The following NLRP13 variants were observed in gnomAD, a reference collection of about 807,000 sequenced individuals.
NLRP13 encodes the protein NLR family pyrin domain containing 13.
In NLRP13, 82 loss-of-function variants were observed where a neutral mutation model predicts 94.4. The ratio of observed to expected loss-of-function variants is 0.87; its 90% CI spans 0.73 to 1.04. The LOEUF (loss-of-function observed/expected upper bound fraction) is 1.04. Among genes scored for constraint, NLRP13 ranks in the 50% least tolerant of loss-of-function variants. The pLI is 0.00. For synonymous variants in NLRP13, 553 were observed against 464.7 expected, an observed-to-expected ratio of 1.19 and a Z score of -2.45; for missense variants, 1,426 against 1,230.8, an observed-to-expected ratio of 1.16 and a Z score of -2.37.
At chr19:55,921,318 C>A (rs758557831) in intron 4 of NLRP13, among the ~76,000 whole-genome samples, 1 of 151,848 alleles carries the variant, frequency 6.6e-6, no homozygotes, top group African/African-American at 2.4e-5. Context: ...TTTATTGATA[C>A]TTGGAAGGAA....
intron 9 of NLRP13, 119 bp from the exon 10 acceptor site, chr19:55,899,056 C>A (rs1304423879): frequency 3.6e-6 from 4 of 1,102,166 alleles, no homozygotes; most frequent in South Asian, 1.7e-5. Flanking sequence ...GACTTTTGTC[C>A]CAAGCCTCGA....
rs189286286 is a variant in NLRP13 at position 55,921,169 on chromosome 19, G to A, written c.523+2745C>T. Among the ~76,000 whole-genome samples the A allele has an allele frequency of 9.8e-5, 15 of 152,298 alleles. No homozygotes were observed. In the East Asian group the frequency reaches 2.9e-3, roughly 29 times the overall value. ...GAGAAATTCCTTTAATAGGTACAAT[G>A]TAGACTATTCAGGTGATGGCTCCAC... is the stretch of plus-strand genomic sequence containing the variant. On this transcript the variant is annotated intron_variant, in intron 4 of 10. Coordinates refer to ENST00000342929, the MANE Select transcript of NLRP13 (RefSeq NM_176810.2).
intron 4 of NLRP13, among the ~76,000 whole-genome samples, chr19:55,921,033 A>T (rs303992): frequency 0.56 from 85,393 of 151,990 alleles, 24,273 homozygotes; most frequent in Non-Finnish European, 0.6. Context: ...AAATACCGCA[A>T]GTTCTTACTT....
rs1052792271 is a variant in NLRP13 at position 55,923,906 on chromosome 19, A to G, written c.523+8T>C. 7.5e-6 allele frequency: 12 copies of G among 1,609,980 alleles called. No homozygotes were observed. The highest frequency in any genetic ancestry group is 3.3e-5 in the Admixed American group (2 of 59,980). ...CTGTCCATTATCAACATAAAGTAGT[A>G]TACACACCTGCTTCCTCTAGCATCT... On this transcript the variant is annotated splice_region_variant and intron_variant, in intron 4 of 10. Transcript: ENST00000342929.
intron 8 of NLRP13, among the ~76,000 whole-genome samples, chr19:55,903,634 C>T (rs1251718310): frequency 6.6e-6 from 1 of 152,158 alleles, no homozygotes; most frequent in Non-Finnish European, 1.5e-5. Flanking sequence ...CTTACCCAGA[C>T]CCTGCTCTGC....
intron 8 of NLRP13, among the ~76,000 whole-genome samples, chr19:55,903,533 A>G (rs975854254): frequency 6.6e-6 from 1 of 152,042 alleles, no homozygotes; most frequent in Non-Finnish European, 1.5e-5. Context: ...CCACAAGGCA[A>G]TCTTCTAGAT....
chr19:55,905,145 G>A (rs372057490), intron 7 of NLRP13, 33 bp from the exon 8 acceptor site: 237 of 1,610,350 alleles, frequency 1.5e-4, no homozygotes, highest in Admixed American at 6.3e-4. Flanking sequence ...GTGAGCCTCA[G>A]CCATGATGCC....
At chr19:55,928,712 T>C (rs554178919) in intron 1 of NLRP13, among the ~76,000 whole-genome samples, 2 of 152,366 alleles carry the variant, frequency 1.3e-5, no homozygotes, top group African/African-American at 4.8e-5. Context: ...TCTAAATCTC[T>C]ATTTTCAATC....
rs137923694 is a variant in NLRP13, at chr19:55,913,029, G to A, written c.788C>T (p.Ser263Phe). 1,351 of 1,614,110 alleles carry A rather than the reference G, an allele frequency of 8.4e-4. 2 individuals are homozygous for A. The highest frequency in any genetic ancestry group is 9.4e-4 in the Non-Finnish European group (1,105 of 1,179,992). ...ATGGCAGCTGAGATAGAAAACATAG[G>A]AGAACCTTTGCTGAAAGAGAACTCC... The part of the protein sequence containing the change: ...ANGVLFQQRF[S>F]YVFYLSCHKI... Residue 263 changes from serine to phenylalanine, a missense_variant, in exon 5 of 11, where the codon TCC becomes TTC. Coordinates refer to ENST00000342929, the MANE Select transcript of NLRP13 (RefSeq NM_176810.2).
chr19:55,896,261 A>G (rs1360111272), intron 10 of NLRP13, 142 bp from the exon 11 acceptor site: 4 of 878,182 alleles, frequency 4.6e-6, no homozygotes, highest in Non-Finnish European at 6.9e-6. Flanking sequence ...ACAGTGGCTC[A>G]CGCCTGTAAT....
chr19:55,900,779 A>T (rs948180052), intron 9 of NLRP13, among the ~76,000 whole-genome samples: 1 of 151,828 alleles, frequency 6.6e-6, no homozygotes, highest in Non-Finnish European at 1.5e-5. Flanking sequence ...CCATCTTAAA[A>T]AAAAAAAAAA....
At chr19:55,919,985 T>C (rs1199233936) in intron 4 of NLRP13, among the ~76,000 whole-genome samples, 2 of 151,948 alleles carry the variant, frequency 1.3e-5, no homozygotes, top group Non-Finnish European at 2.9e-5. Flanking sequence ...AAAATAAACA[T>C]AGATCAATGT....
intron 9 of NLRP13, among the ~76,000 whole-genome samples, chr19:55,899,646 G>A (rs902682908): frequency 6.6e-6 from 1 of 152,158 alleles, no homozygotes; most frequent in African/African-American, 2.4e-5. Flanking sequence ...CAGGCGTGGT[G>A]GCGGGTGCCT....
chr19:55,928,192 G>A (rs1469485979), intron 1 of NLRP13, among the ~76,000 whole-genome samples: 1 of 152,132 alleles, frequency 6.6e-6, no homozygotes, highest in Non-Finnish European at 1.5e-5. Flanking sequence ...CCAGGGAAAC[G>A]GGGCTCCTGT....
At chr19:55,906,902 A>G (rs1019222691) in intron 7 of NLRP13, among the ~76,000 whole-genome samples, 1 of 152,120 alleles carries the variant, frequency 6.6e-6, no homozygotes, top group Non-Finnish European at 1.5e-5. Context: ...AGAAGTGCTC[A>G]TTCTTAGGTC....
At chr19:55,923,698 G>A (rs924547750) in intron 4 of NLRP13, among the ~76,000 whole-genome samples, 1 of 152,170 alleles carries the variant, frequency 6.6e-6, no homozygotes, top group Non-Finnish European at 1.5e-5. Context: ...CTGTGTCTGA[G>A]TGCATTTTTT....
chr19:55,923,718 T>A (rs1406758256), intron 4 of NLRP13, among the ~76,000 whole-genome samples, 196 bp downstream of exon 4: 1 of 152,208 alleles, frequency 6.6e-6, no homozygotes, highest in Non-Finnish European at 1.5e-5. Flanking sequence ...TCATTCGTTG[T>A]TCGGCCAGGG....
At chr19:55,918,477 G>T (rs80036681) in intron 4 of NLRP13, among the ~76,000 whole-genome samples, 4,102 of 151,852 alleles carry the variant, frequency 0.027, 196 homozygotes, top group African/African-American at 0.091. Flanking sequence ...ATTGATAGAT[G>T]GCTAGCTATA....
intron 2 of NLRP13, 107 bp downstream of exon 2, chr19:55,924,860 A>T: frequency 9.9e-7 from 1 of 1,011,078 alleles, no homozygotes; most frequent in Non-Finnish European, 1.5e-6. Context: ...TTAATTTTTT[A>T]TGCACTATAA....
Sources: gnomAD v4.1 joint callset for allele counts (sites outside exome capture counted in the v4.1 genomes callset) on GRCh38, gnomAD v4.1.1 for gene constraint, MANE v1.5 for transcripts, NCBI Gene and HGNC (gene_info 2026-07-23, HGNC 2026-07-21) for gene names.